PCDH15: variants seen among roughly 807,000 people sequenced by gnomAD.
PCDH15 encodes the protein protocadherin related 15.
In PCDH15, 129 loss-of-function variants were observed where a neutral mutation model predicts 178.5. That is an observed-to-expected ratio of 0.72 (90% confidence interval 0.63 to 0.84). The LOEUF is 0.84. PCDH15 is among the 40% of genes least tolerant of loss of function. PCDH15 has a pLI of 0.00. For synonymous variants in PCDH15, 800 were observed against 732.0 expected (o/e 1.09, Z -1.50); for missense variants, 2,230 against 2,099.9 (o/e 1.06, Z -1.21).
chr10:54,344,450 AAGAT>A (rs1415217008), intron 6 of PCDH15, among the ~76,000 whole-genome samples: 1 of 152,192 alleles, frequency 6.6e-6, no homozygotes, highest in Non-Finnish European at 1.5e-5. Context: ...TTTAAGCAGA[AAGAT>A]AGTTTAAAGT....
In PCDH15 at chr10:55,007,487, CA is replaced by C. The variant is rs61588482; in HGVS notation, c.-79-109988del. Among the ~76,000 whole-genome samples, 784 of 137,676 alleles carry C rather than the reference CA, an allele frequency of 5.7e-3. 4 individuals are homozygous for C. Among genetic ancestry groups the C allele is most frequent in the African/African-American group, 0.02 (754 of 36,784 alleles). The allele number at this position is 137,676 out of a possible 152,430, so 90.3% of individuals were successfully genotyped here. A position where few individuals can be genotyped will look rare whatever the true frequency, so the allele number is the denominator to read the frequency against. On this transcript the variant is annotated intron_variant, in intron 2 of 5. Transcript: ENST00000458638. ...CATTAAACTGATAAACTAATATTGT[CA>C]AAATGTTTAACATGAATTTAACAGT...
chr10:55,054,453 G>A (rs921188860), intron 2 of PCDH15, among the ~76,000 whole-genome samples: 2 of 152,012 alleles, frequency 1.3e-5, no homozygotes, highest in African/African-American at 4.8e-5. Flanking sequence ...TTGATTCCAT[G>A]TCTTTGCTAT....
intron 2 of PCDH15, among the ~76,000 whole-genome samples, chr10:55,443,774 C>T (rs1839250565): frequency 1.3e-5 from 2 of 152,048 alleles, no homozygotes; most frequent in African/African-American, 4.8e-5. Context: ...CCCAGCAATT[C>T]CATTACTGGT....
chr10:54,655,996 A>G (rs2094398468), intron 2 of PCDH15: 1 of 152,218 alleles, frequency 6.6e-6, no homozygotes, highest in African/African-American at 2.4e-5. Context: ...TATACATGTA[A>G]TAGCTTACAA....
chr10:54,821,868 G>T (rs1953047399), intron 3 of PCDH15, among the ~76,000 whole-genome samples: 1 of 151,702 alleles, frequency 6.6e-6, no homozygotes, highest in Admixed American at 6.6e-5. Context: ...TGTTTCTTTT[G>T]GTATGGTGAT....
chr10:55,320,050 A>G (rs115293535), upstream of PCDH15, among the ~76,000 whole-genome samples: 852 of 152,030 alleles, frequency 5.6e-3, 10 homozygotes, highest in African/African-American at 0.02. Context: ...AGCCTCCCCA[A>G]ACTGGAGCCT....
At chr10:54,926,631 G>A (rs1837634747) in intron 2 of PCDH15, among the ~76,000 whole-genome samples, 1 of 151,800 alleles carries the variant, frequency 6.6e-6, no homozygotes. Context: ...TCAATTTAGA[G>A]CCATTAGTGG....
At chr10:54,776,720 G>A (rs1949746478) in intron 1 of PCDH15, among the ~76,000 whole-genome samples, 1 of 152,156 alleles carries the variant, frequency 6.6e-6, no homozygotes, top group Admixed American at 6.5e-5. Flanking sequence ...ATTTTCCCCT[G>A]AAGGAAGGCT....
chr10:54,918,847 A>C (rs946352106), intron 2 of PCDH15, among the ~76,000 whole-genome samples: 3 of 152,186 alleles, frequency 2.0e-5, no homozygotes, highest in Admixed American at 1.3e-4. Flanking sequence ...TTAAGTTAAA[A>C]ATATCTTAAG....
intron 28 of PCDH15, among the ~76,000 whole-genome samples, chr10:53,845,202 C>T (rs1009869989): frequency 6.6e-6 from 1 of 151,186 alleles, no homozygotes; most frequent in African/African-American, 2.4e-5. Flanking sequence ...TTGCTATTGT[C>T]AAAAAACAAA....
At chr10:55,570,025 T>C (rs1842375735) in intron 2 of PCDH15, among the ~76,000 whole-genome samples, 1 of 152,018 alleles carries the variant, frequency 6.6e-6, no homozygotes, top group Non-Finnish European at 1.5e-5. Context: ...GTGCCTTAAA[T>C]TGGGGCAAAA....
intron 3 of PCDH15, among the ~76,000 whole-genome samples, chr10:54,442,469 T>TTTA (rs1487869328): frequency 8.2e-6 from 1 of 122,552 alleles, no homozygotes; most frequent in African/African-American, 3.1e-5. Flanking sequence ...TACAGTCTTT[T>TTTA]TTATTATAAT....
intron 1 of PCDH15, among the ~76,000 whole-genome samples, chr10:55,224,097 A>T (rs1840960468): frequency 6.6e-6 from 1 of 152,040 alleles, no homozygotes; most frequent in African/African-American, 2.4e-5. Context: ...GCCCCTTGGG[A>T]GGCTGAGGCA....
chr10:55,185,699 C>A (rs947155852), intron 1 of PCDH15, among the ~76,000 whole-genome samples: 2 of 151,798 alleles, frequency 1.3e-5, no homozygotes, highest in South Asian at 4.1e-4. Context: ...GTTTTCTATG[C>A]ATGAACAGAA....
intron 27 of PCDH15, among the ~76,000 whole-genome samples, chr10:53,863,036 A>G (rs147994403): frequency 0.014 from 2,127 of 152,318 alleles, 24 homozygotes; most frequent in Middle Eastern, 0.031. Context: ...AAGAAATGTG[A>G]TGAAGAAGAG....
intron 28 of PCDH15, among the ~76,000 whole-genome samples, chr10:53,841,400 C>T (rs1045418518): frequency 3.3e-5 from 5 of 151,982 alleles, no homozygotes; most frequent in African/African-American, 1.2e-4. Context: ...GGGAGAAGGG[C>T]AATATATTCT....
rs532137020 is a variant in PCDH15 at position 54,274,231 on chromosome 10, C to A, written c.877-37300G>T. 3.2e-3 allele frequency among the ~76,000 whole-genome samples: 483 copies of A among 151,992 alleles called. 4 individuals are homozygous for A. The highest frequency in any genetic ancestry group is 0.011 in the African/African-American group (462 of 41,502). ...TGATGAAATAATCTGTACAACAAAC[C>A]ACCATGATACGAGTTTACGTATGTA... On this transcript the variant is annotated intron_variant, in intron 8 of 37. Transcript: ENST00000644397.
At chr10:55,274,125 C>T (rs904668907) in intron 1 of PCDH15, among the ~76,000 whole-genome samples, 1 of 151,988 alleles carries the variant, frequency 6.6e-6, no homozygotes. Flanking sequence ...GTATACTGAG[C>T]CAAAACTTAT....
intron 1 of PCDH15, among the ~76,000 whole-genome samples, chr10:55,264,347 G>A (rs1409213713): frequency 6.6e-6 from 1 of 152,044 alleles, no homozygotes; most frequent in East Asian, 1.9e-4. Flanking sequence ...ACAGAAGGAG[G>A]CCTTGCTTCA....
Sources: allele counts gnomAD v4.1 joint callset (sites outside exome capture counted in the v4.1 genomes callset), GRCh38; gene constraint gnomAD v4.1.1; transcripts MANE v1.5; gene names NCBI Gene and HGNC (gene_info 2026-07-23, HGNC 2026-07-21).